ADGRV1: variants seen among roughly 807,000 people sequenced by gnomAD.
The protein encoded by ADGRV1 is adhesion G protein-coupled receptor V1.
A neutral mutation model predicts 596.2 loss-of-function variants in ADGRV1; 359 were observed. The ratio of observed to expected loss-of-function variants is 0.60; its 90% CI spans 0.55 to 0.66. The LOEUF is 0.66. ADGRV1 is among the 30% of genes least tolerant of loss of function. The pLI is 0.00. For missense variants in ADGRV1, 7,274 were observed against 7,575.6 expected, an observed-to-expected ratio of 0.96 and a Z score of 1.48; for synonymous variants, 2,681 against 2,679.2, an observed-to-expected ratio of 1.00 and a Z score of -0.02.
chr5:91,132,581 A>G (rs942695436), intron 87 of ADGRV1, among the ~76,000 whole-genome samples: 22 of 152,226 alleles, frequency 1.4e-4, no homozygotes, highest in African/African-American at 5.1e-4. Context: ...ATAAACTGTG[A>G]TAAGTTCTAC....
intron 83 of ADGRV1, among the ~76,000 whole-genome samples, chr5:90,881,917 C>T (rs1435559330): frequency 1.3e-5 from 2 of 152,030 alleles, no homozygotes; most frequent in Non-Finnish European, 2.9e-5. Flanking sequence ...CTTTGTTGCT[C>T]AAGCTGGTCT....
intron 78 of ADGRV1, among the ~76,000 whole-genome samples, 180 bp from the exon 79 acceptor site, chr5:90,848,457 A>T (rs1322901356): frequency 1.3e-5 from 2 of 152,132 alleles, no homozygotes; most frequent in Non-Finnish European, 2.9e-5. Flanking sequence ...ATGCCTTTTC[A>T]ACTGCAAATA....
chr5:90,930,518 T>A (rs1310640215), intron 83 of ADGRV1, among the ~76,000 whole-genome samples: 1 of 152,234 alleles, frequency 6.6e-6, no homozygotes, highest in Non-Finnish European at 1.5e-5. Context: ...GTATGAATTC[T>A]TGTCAATGAA....
Position 90,720,229 on chromosome 5 carries a change from G to A in ADGRV1, c.9623+6G>A, listed in dbSNP as rs1343126297. ...ATCTCTGCAGTTGAAAATAGGTATA[G>A]TTTATTCATAAGGAAATTATCACTT... On this transcript the variant is annotated splice_donor_region_variant and intron_variant, in intron 44 of 89. Coordinates refer to ENST00000405460, the MANE Select transcript of ADGRV1 (RefSeq NM_032119.4). The A allele has an allele frequency of 1.5e-5, 22 of 1,505,274 alleles. No homozygotes were observed. Among genetic ancestry groups the A allele is most frequent in the East Asian group, 2.3e-5 (1 of 43,460 alleles). 93.2% of individuals were successfully genotyped at this position (1,505,274 alleles called of 1,614,324 possible).
intron 83 of ADGRV1, among the ~76,000 whole-genome samples, chr5:90,960,155 A>AAC (rs1777888158): frequency 1.4e-5 from 2 of 146,172 alleles, no homozygotes; most frequent in East Asian, 2.0e-4. Context: ...AAAAAAAAAC[A>AAC]AAAAACAGAT....
rs192754114 is a variant in ADGRV1 at position 91,082,171 on chromosome 5, C to A, written c.18310+9567C>A. On this transcript the variant is annotated intron_variant, in intron 86 of 89. Coordinates refer to ENST00000405460, the MANE Select transcript of ADGRV1 (RefSeq NM_032119.4). Reference sequence around the variant, plus strand: ...TAATGTGGCTGGCATCTCTTATTGACATGTGCATATCACTGCCATGCCATA... The same window carrying A: ...TAATGTGGCTGGCATCTCTTATTGAAATGTGCATATCACTGCCATGCCATA... Among the ~76,000 whole-genome samples, 819 of 152,334 alleles carry A rather than the reference C, an allele frequency of 5.4e-3. 4 individuals carry two copies. Among genetic ancestry groups the A allele is most frequent in the African/African-American group, 0.019 (785 of 41,562 alleles).
At chr5:90,654,091 T>G in intron 20 of ADGRV1, 139 bp downstream of exon 20, 1 of 854,332 alleles carries the variant, frequency 1.2e-6, no homozygotes, top group East Asian at 2.7e-5. Flanking sequence ...TAATCAAAAC[T>G]ATGTGCCTAC....
chr5:90,828,942 A>C lies in ADGRV1; in HGVS notation c.16369-2A>C. On this transcript the variant is annotated splice_acceptor_variant, in intron 76 of 89. Transcript: ENST00000405460. LOFTEE classifies it high-confidence loss of function. ...TTTTTTTTTCCTTTTTCTCATTGTC[A>C]GGTACCACAGGTTGAAGTGTATTTT... 6.4e-7 allele frequency: 1 copy of C among 1,553,360 alleles called. No individual in the cohort carries two copies.
Position 90,802,129 on chromosome 5 carries a change from C to T in ADGRV1, c.14518-610C>T, listed in dbSNP as rs143176820. Among the ~76,000 whole-genome samples, 111 of 152,296 alleles carry T rather than the reference C, an allele frequency of 7.3e-4. 1 individual carries two copies. The highest frequency in any genetic ancestry group is 4.8e-3 in the Admixed American group (74 of 15,296). On this transcript the variant is annotated intron_variant, in intron 70 of 89. Coordinates refer to ENST00000405460, the MANE Select transcript of ADGRV1 (RefSeq NM_032119.4). ...TACTTGATCCTATCATGAACACTGC[C>T]TGTGTGGCTACTGTCATTGGTGAAG...
chr5:90,598,801 GCTGACA>G (rs1419269589), intron 1 of ADGRV1, among the ~76,000 whole-genome samples: 1 of 152,208 alleles, frequency 6.6e-6, no homozygotes, highest in Non-Finnish European at 1.5e-5. Flanking sequence ...ATAACGGAGT[GCTGACA>G]CATTTGCACC....
chr5:90,961,510 G>GT (rs1554178896), intron 83 of ADGRV1, among the ~76,000 whole-genome samples: 4 of 141,760 alleles, frequency 2.8e-5, no homozygotes, highest in South Asian at 2.2e-4. Flanking sequence ...AAAAAAAAGG[G>GT]GGGGTGGCGG....
chr5:91,027,102 A>G (rs1247951896), intron 85 of ADGRV1, among the ~76,000 whole-genome samples: 3 of 150,358 alleles, frequency 2.0e-5, no homozygotes, highest in African/African-American at 7.3e-5. Context: ...AGATTGTGCC[A>G]CTGCACTCTA....
rs75376860 is a variant in ADGRV1 at position 91,049,808 on chromosome 5, T to C, written c.18153-22639T>C. Among the ~76,000 whole-genome samples, 541 of 152,268 alleles carry C rather than the reference T, an allele frequency of 3.6e-3. 2 individuals are homozygous for C. Among genetic ancestry groups the C allele is most frequent in the African/African-American group, 0.012 (519 of 41,566 alleles). On this transcript the variant is annotated intron_variant, in intron 85 of 89. Transcript: ENST00000405460. The stretch of plus-strand genomic sequence containing the variant: ...AACTGGTTGTAAGCAAGAATGACAA[T>C]ACAGTGCTACGGGTTCCACAGGGCC...
chr5:90,845,659 G>T (rs1765812973), intron 78 of ADGRV1, among the ~76,000 whole-genome samples: 1 of 151,706 alleles, frequency 6.6e-6, no homozygotes, highest in Non-Finnish European at 1.5e-5. Flanking sequence ...ATCTGGTGTT[G>T]TCTCTTTTTC....
intron 1 of ADGRV1, among the ~76,000 whole-genome samples, chr5:90,570,325 A>G (rs1756356235): frequency 6.6e-6 from 1 of 151,822 alleles, no homozygotes; most frequent in South Asian, 2.1e-4. Flanking sequence ...TTATGTGATA[A>G]TTTTCTTCTT....
In ADGRV1 at chr5:90,643,875, G is replaced by A; in HGVS notation, c.2626G>A (p.Val876Ile). The change falls in exon 14 of 90, where the codon GTC (valine) becomes ATC (isoleucine). Residue 876 changes from valine (V) to isoleucine (I), a missense_variant. Coordinates refer to ENST00000405460, the MANE Select transcript of ADGRV1 (RefSeq NM_032119.4). ...RESKLGSATI[V>I]NITILKNDDP... ...AAGCAAGTTGGGAAGTGCCACCATT[G>A]TCAATATAACGATTCTGAAAAATGA... is the stretch of plus-strand genomic sequence containing the variant. 1.2e-6 allele frequency: 2 copies of A among 1,611,530 alleles called. No individual in the cohort carries two copies. The highest frequency in any genetic ancestry group is 1.7e-6 in the Non-Finnish European group (2 of 1,178,618).
chr5:90,955,129 C>G (rs1777359048), intron 83 of ADGRV1, among the ~76,000 whole-genome samples: 4 of 152,088 alleles, frequency 2.6e-5, no homozygotes, highest in African/African-American at 9.7e-5. Context: ...TGGGTCCTCA[C>G]CAGACACCAG....
intron 50 of ADGRV1, among the ~76,000 whole-genome samples, chr5:90,741,204 C>T (rs531782354): frequency 3.2e-4 from 49 of 152,294 alleles, no homozygotes; most frequent in African/African-American, 1.1e-3. Context: ...CCACCTTCTA[C>T]CTGGACTATT....
At chr5:91,138,658 A>G (rs182875218) in intron 87 of ADGRV1, among the ~76,000 whole-genome samples, 13 of 152,266 alleles carry the variant, frequency 8.5e-5, no homozygotes. Context: ...TTTAGATGCT[A>G]TATTATCTCA....
Sources: allele counts gnomAD v4.1 joint callset (sites outside exome capture counted in the v4.1 genomes callset), GRCh38; gene constraint gnomAD v4.1.1; transcripts MANE v1.5; gene names NCBI Gene and HGNC (gene_info 2026-07-23, HGNC 2026-07-21).